The following TRPS1 variants were observed in gnomAD, a reference collection of about 807,000 sequenced individuals.
The protein encoded by TRPS1 is transcriptional repressor GATA binding 1.
In TRPS1, 6 loss-of-function variants were observed where a neutral mutation model predicts 101.2. The ratio of observed to expected loss-of-function variants is 0.06; its 90% confidence interval spans 0.03 to 0.12. The LOEUF (loss-of-function observed/expected upper bound fraction) is 0.12. Ranked by LOEUF, TRPS1 falls within the 10% of genes least tolerant of loss-of-function variation. TRPS1 has a pLI of 1.00. For synonymous variants in TRPS1, 578 were observed against 589.8 expected, an observed-to-expected ratio of 0.98 and a Z score of 0.29; for missense variants, 1,363 against 1,567.0, an observed-to-expected ratio of 0.87 and a Z score of 2.20.
At chr8:115,626,212 A>G (rs1368718673) in intron 1 of TRPS1, among the ~76,000 whole-genome samples, 1 of 151,660 alleles carries the variant, frequency 6.6e-6, no homozygotes, top group East Asian at 1.9e-4. Flanking sequence ...CCTAGAGCAA[A>G]CTAGATAGCT....
At chr8:115,641,505 TA>T (rs1396801154) in intron 1 of TRPS1, among the ~76,000 whole-genome samples, 2 of 152,160 alleles carry the variant, frequency 1.3e-5, no homozygotes, top group African/African-American at 4.8e-5. Flanking sequence ...CATACTGAAT[TA>T]CAATGAGCTC....
At chr8:115,623,297 T>G (rs1189554482) in intron 2 of TRPS1, among the ~76,000 whole-genome samples, 2 of 152,006 alleles carry the variant, frequency 1.3e-5, no homozygotes, top group African/African-American at 4.8e-5. Flanking sequence ...GTTCTTTAGT[T>G]GCTGTTTTTT....
Position 115,515,182 on chromosome 8 carries a change from C to T in TRPS1, c.2700+71819G>A. 5.8e-6 allele frequency: 4 copies of T among 690,626 alleles called. No homozygotes were observed. In the South Asian group the frequency reaches 6.0e-5, roughly 10 times the overall value. 42.8% of individuals were successfully genotyped at this position (690,626 alleles called of 1,614,324 possible). ...ATGTCCAAATTCTTTTCGTTACTCT[C>T]CATTATCTAAATATTAATAAGATCT... On this transcript the variant is annotated intron_variant, in intron 5 of 6. Transcript: ENST00000395715.
chr8:115,491,862 A>C (rs1244922344), intron 5 of TRPS1, among the ~76,000 whole-genome samples: 1 of 152,208 alleles, frequency 6.6e-6, no homozygotes, highest in Non-Finnish European at 1.5e-5. Flanking sequence ...AGATTCATTC[A>C]ATCTGTATTT....
chr8:115,642,505 A>G (rs1158077179), intron 1 of TRPS1, among the ~76,000 whole-genome samples: 2 of 152,150 alleles, frequency 1.3e-5, no homozygotes, highest in Admixed American at 6.5e-5. Flanking sequence ...ACATAACCAA[A>G]AGAGTAATTC....
chr8:115,629,630 C>T (rs765709601), intron 1 of TRPS1, among the ~76,000 whole-genome samples: 2 of 151,740 alleles, frequency 1.3e-5, no homozygotes, highest in Non-Finnish European at 2.9e-5. Context: ...TAAATTTTAT[C>T]TGACTAAAAT....
At chr8:115,596,662 A>C (rs1005997622) in intron 4 of TRPS1, among the ~76,000 whole-genome samples, 2 of 151,744 alleles carry the variant, frequency 1.3e-5, no homozygotes, top group Non-Finnish European at 3.0e-5. Context: ...TATCATATAC[A>C]TATATACTTA....
Position 115,587,622 on chromosome 8 carries a change from AGTTACT to A in TRPS1, c.2097-24_2097-19del. 3 of 1,613,930 alleles carry A rather than the reference AGTTACT, an allele frequency of 1.9e-6. No homozygotes were observed. The highest frequency in any genetic ancestry group is 2.5e-6 in the Non-Finnish European group (3 of 1,180,010). On this transcript the variant is annotated intron_variant, in intron 4 of 6. Transcript: ENST00000395715. ...GTGCTCTCCTGGAGAAGAAGAAAAC[AGTTACT>A]GCAAAGACAGCGTTCTGAAGGGTTG...
At chr8:115,441,683 C>T (rs1435798926) in intron 5 of TRPS1, among the ~76,000 whole-genome samples, 1 of 151,630 alleles carries the variant, frequency 6.6e-6, no homozygotes, top group Non-Finnish European at 1.5e-5. Context: ...TAAAAATCTC[C>T]ACTCATTTAT....
chr8:115,593,340 A>T (rs1022449665), intron 4 of TRPS1, among the ~76,000 whole-genome samples: 1 of 152,214 alleles, frequency 6.6e-6, no homozygotes, highest in Non-Finnish European at 1.5e-5. Context: ...CAAAGTATAT[A>T]TTTCCACCCC....
rs3808452 is a variant in TRPS1 at position 115,571,078 on chromosome 8, G to C, written c.2700+15923C>G. Among the ~76,000 whole-genome samples, 364 of 152,228 alleles carry C rather than the reference G, an allele frequency of 2.4e-3. 8 individuals are homozygous for C. In the East Asian group the frequency reaches 0.059, roughly 25 times the overall value. ...AAGACTTTCACCCACTATATAGTTA[G>C]GTTAGCTATTATGACACAAGTGCAG... On this transcript the variant is annotated intron_variant, in intron 5 of 6. Transcript: ENST00000395715.
chr8:115,486,940 T>G (rs1319574456), intron 5 of TRPS1, among the ~76,000 whole-genome samples: 1 of 152,190 alleles, frequency 6.6e-6, no homozygotes, highest in Non-Finnish European at 1.5e-5. Context: ...ACAATAGATT[T>G]TCAATGGAGA....
intron 5 of TRPS1, among the ~76,000 whole-genome samples, chr8:115,559,263 A>C (rs1349351513): frequency 1.3e-5 from 2 of 152,174 alleles, no homozygotes; most frequent in African/African-American, 4.8e-5. Context: ...GTTACCCAGC[A>C]GCACTTGAAA....
chr8:115,413,950 A>G lies in TRPS1; in HGVS notation c.*73T>C, dbSNP rs114484567. The G allele has an allele frequency of 2.5e-3, 3,663 of 1,484,438 alleles. 85 individuals carry two copies. In the African/African-American group the frequency reaches 0.042, roughly 17 times the overall value. The allele number at this position is 1,484,438 out of a possible 1,614,324, so 92.0% of individuals were successfully genotyped here. A position where few individuals can be genotyped will look rare whatever the true frequency, so the allele number is the denominator to read the frequency against. On this transcript the variant is annotated 3_prime_UTR_variant, in exon 7 of 7. Coordinates refer to ENST00000395715, the MANE Select transcript of TRPS1 (RefSeq NM_014112.5). ...TGAAGTATTTTTTTAATAGGTCTTCATAAGACATTACAAGCTATTGAATTC... is the reference window on the plus strand; with the variant it reads ...TGAAGTATTTTTTTAATAGGTCTTCGTAAGACATTACAAGCTATTGAATTC...
At chr8:115,531,386 A>T (rs1354586849) in intron 5 of TRPS1, among the ~76,000 whole-genome samples, 1 of 152,196 alleles carries the variant, frequency 6.6e-6, no homozygotes, top group East Asian at 1.9e-4. Context: ...ATACTTGTTG[A>T]TTACTGTTGA....
At chr8:115,665,865 T>C (rs1811909487) in intron 1 of TRPS1, among the ~76,000 whole-genome samples, 1 of 152,172 alleles carries the variant, frequency 6.6e-6, no homozygotes, top group Non-Finnish European at 1.5e-5. Flanking sequence ...ACCACTTATT[T>C]GAAAAGTGTT....
chr8:115,523,640 T>C (rs1000025508), intron 5 of TRPS1, among the ~76,000 whole-genome samples: 1 of 152,168 alleles, frequency 6.6e-6, no homozygotes, highest in Non-Finnish European at 1.5e-5. Flanking sequence ...ATTCTGAATA[T>C]TTAAAGGTTT....
At position 115,523,618 on chromosome 8, in the gene TRPS1, T is replaced by C. The variant is rs73703305; in HGVS notation, c.2700+63383A>G. 4.4e-3 allele frequency among the ~76,000 whole-genome samples: 667 copies of C among 152,268 alleles called. 8 individuals are homozygous for C. Among genetic ancestry groups the C allele is most frequent in the African/African-American group, 0.015 (638 of 41,550 alleles). The stretch of plus-strand genomic sequence containing the variant: ...TTGCATTTAAAAGACTGCTGATTAA[T>C]CCCTAAATTCTATTCTGAATATTTA... On this transcript the variant is annotated intron_variant, in intron 5 of 6. Coordinates refer to ENST00000395715, the MANE Select transcript of TRPS1 (RefSeq NM_014112.5).
In TRPS1 at chr8:115,623,677, G is replaced by C. The variant is rs1316020998; in HGVS notation, c.-40C>G. 1 of 1,605,756 alleles carries C rather than the reference G, an allele frequency of 6.2e-7. No individual in the cohort carries two copies. The highest frequency in any genetic ancestry group is 1.3e-5 in the African/African-American group (1 of 74,878). On this transcript the variant is annotated 5_prime_UTR_variant, in exon 2 of 7. Transcript: ENST00000395715. ...CTTTTTACAATTATTAATTCTATTA[G>C]TCAACTAGCAGGAGGCTAATGCAAT...
Sources: gnomAD v4.1 joint callset for allele counts (sites outside exome capture counted in the v4.1 genomes callset) on GRCh38, gnomAD v4.1.1 for gene constraint, MANE v1.5 for transcripts, NCBI Gene and HGNC (gene_info 2026-07-23, HGNC 2026-07-21) for gene names.